The following IL1RAPL2 variants were observed in gnomAD, a reference collection of about 807,000 sequenced individuals.
IL1RAPL2 encodes the protein X-linked interleukin-1 receptor accessory protein-like 2.
A neutral mutation model predicts 44.1 loss-of-function variants in IL1RAPL2; 3 were observed. The ratio of observed to expected loss-of-function variants is 0.07; its 90% confidence interval spans 0.03 to 0.18. The LOEUF (loss-of-function observed/expected upper bound fraction) is 0.18. Ranked by LOEUF, IL1RAPL2 falls within the 10% of genes least tolerant of loss-of-function variation. The pLI is 1.00. For missense variants in IL1RAPL2, 391 were observed against 496.4 expected (o/e 0.79, Z 2.02); for synonymous variants, 181 against 178.8 (o/e 1.01, Z -0.10).
chrX:105,246,115 TTCTC>T (rs1569412532), intron 4 of IL1RAPL2, among the ~76,000 whole-genome samples: 1 of 112,236 alleles, frequency 8.9e-6, no homozygotes, highest in Non-Finnish European at 1.9e-5. Context: ...AAATAGCTCT[TTCTC>T]AACACTCCAG....
chrX:105,633,607 T>C (rs1170012020), intron 6 of IL1RAPL2, among the ~76,000 whole-genome samples: 1 of 111,861 alleles, frequency 8.9e-6, no homozygotes, highest in Non-Finnish European at 1.9e-5. Context: ...CTATGCGATG[T>C]GGACTTAAAA....
At chrX:104,685,638 A>G (rs908491454) in intron 2 of IL1RAPL2, among the ~76,000 whole-genome samples, 8 of 111,174 alleles carry the variant, frequency 7.2e-5, no homozygotes, top group Non-Finnish European at 7.5e-5. Flanking sequence ...GGGAAGGGGG[A>G]AGGGAAAGCA....
intron 2 of IL1RAPL2, among the ~76,000 whole-genome samples, chrX:104,736,325 T>A (rs757592496): frequency 5.3e-4 from 59 of 112,296 alleles, no homozygotes; most frequent in Non-Finnish European, 9.0e-4. Context: ...TGCTCATATC[T>A]CATAAGTCTT....
rs184914849 is a variant in IL1RAPL2 at position 105,070,558 on chromosome X, G to T, written c.83-124917G>T. ...AAAACACAAAAATTAGTCAGGCATG[G>T]TGGTGAGTGCCTGTAATCCCAGCTA... On this transcript the variant is annotated intron_variant, in intron 2 of 10. Transcript: ENST00000372582. 3.3e-3 allele frequency among the ~76,000 whole-genome samples: 359 copies of T among 110,005 alleles called. 4 individuals are homozygous for T. Among genetic ancestry groups the T allele is most frequent in the African/African-American group, 0.011 (339 of 30,212 alleles).
At chrX:105,363,308 AAT>A (rs1219827978) in intron 5 of IL1RAPL2, among the ~76,000 whole-genome samples, 811 of 68,504 alleles carry the variant, frequency 0.012, 12 homozygotes, top group African/African-American at 0.06. Flanking sequence ...ATATATATAT[AAT>A]ATATATATAT....
intron 2 of IL1RAPL2, among the ~76,000 whole-genome samples, chrX:105,085,286 C>T (rs1353498910): frequency 8.9e-6 from 1 of 111,825 alleles, no homozygotes; most frequent in Non-Finnish European, 1.9e-5. Context: ...TGATAAGGGG[C>T]TCATAGCCAA....
At chrX:105,449,477 G>T (rs780846378) in intron 5 of IL1RAPL2, among the ~76,000 whole-genome samples, 8 of 109,970 alleles carry the variant, frequency 7.3e-5, no homozygotes, top group Admixed American at 5.8e-4. Flanking sequence ...CCAGCTACTC[G>T]GGAGGCTGAG....
At chrX:105,389,690 C>T in intron 5 of IL1RAPL2, among the ~76,000 whole-genome samples, 1 of 111,506 alleles carries the variant, frequency 9.0e-6, no homozygotes, top group Non-Finnish European at 1.9e-5. Flanking sequence ...AAGCTTTGAT[C>T]TCCAGGATAG....
intron 5 of IL1RAPL2, among the ~76,000 whole-genome samples, chrX:105,328,461 A>AT (rs765634258): frequency 8.9e-6 from 1 of 111,784 alleles, no homozygotes; most frequent in African/African-American, 3.2e-5. Context: ...ATTAAGTAAA[A>AT]TTTTACCAAC....
At chrX:105,040,717 C>T (rs760801379) in intron 2 of IL1RAPL2, among the ~76,000 whole-genome samples, 169 of 109,845 alleles carry the variant, frequency 1.5e-3, no homozygotes, top group African/African-American at 5.0e-3. Flanking sequence ...TCTGTGGGAT[C>T]AGTGGTGATA....
At chrX:104,944,310 C>T (rs747599964) in intron 2 of IL1RAPL2, among the ~76,000 whole-genome samples, 3 of 111,869 alleles carry the variant, frequency 2.7e-5, no homozygotes, top group South Asian at 3.7e-4. Context: ...AAATCAAGGA[C>T]ATTTTATATG....
At chrX:105,461,381 A>G (rs2036091836) in intron 5 of IL1RAPL2, among the ~76,000 whole-genome samples, 1 of 111,335 alleles carries the variant, frequency 9.0e-6, no homozygotes, top group Non-Finnish European at 1.9e-5. Flanking sequence ...TCTCCCATGA[A>G]CACTTTTCCT....
At chrX:105,091,593 G>T (rs770821070) in intron 2 of IL1RAPL2, among the ~76,000 whole-genome samples, 102 of 111,942 alleles carry the variant, frequency 9.1e-4, no homozygotes, top group African/African-American at 3.1e-3. Flanking sequence ...GTATTAGAAA[G>T]AACACTGGTC....
chrX:105,397,652 G>C (rs1569434781), intron 5 of IL1RAPL2, among the ~76,000 whole-genome samples: 1 of 111,105 alleles, frequency 9.0e-6, no homozygotes, highest in East Asian at 2.8e-4. Context: ...AGATCTCAAA[G>C]AATAAGTGAG....
chrX:105,512,519 AATTT>A (rs1326466612), intron 6 of IL1RAPL2, among the ~76,000 whole-genome samples: 1 of 111,846 alleles, frequency 8.9e-6, no homozygotes, highest in Non-Finnish European at 1.9e-5. Context: ...CTAATTTGTG[AATTT>A]ATTTGTCTAG....
chrX:105,336,459 A>G (rs1456620344), intron 5 of IL1RAPL2, among the ~76,000 whole-genome samples: 1 of 112,378 alleles, frequency 8.9e-6, no homozygotes, highest in Non-Finnish European at 1.9e-5. Context: ...AGTTTGTGCT[A>G]TTCCTTAAAA....
chrX:104,727,694 C>T (rs1233774011), intron 2 of IL1RAPL2, among the ~76,000 whole-genome samples: 1 of 111,139 alleles, frequency 9.0e-6, no homozygotes, highest in Admixed American at 9.6e-5. Flanking sequence ...AAGTGTCCAT[C>T]AATGGATGAT....
At chrX:104,998,047 A>G (rs375582454) in intron 2 of IL1RAPL2, among the ~76,000 whole-genome samples, 2 of 111,403 alleles carry the variant, frequency 1.8e-5, no homozygotes, top group East Asian at 2.9e-4. Context: ...AGAGAAAAGA[A>G]GAGGGCCAAG....
At chrX:105,632,680 T>C (rs1602496158) in intron 6 of IL1RAPL2, among the ~76,000 whole-genome samples, 1 of 111,843 alleles carries the variant, frequency 8.9e-6, no homozygotes, top group East Asian at 2.8e-4. Flanking sequence ...AATACTAGAG[T>C]TCTGATAGGC....
Sources: gnomAD v4.1 joint callset for allele counts (sites outside exome capture counted in the v4.1 genomes callset) on GRCh38, gnomAD v4.1.1 for gene constraint, MANE v1.5 for transcripts, NCBI Gene and HGNC (gene_info 2026-07-23, HGNC 2026-07-21) for gene names.